RBFOX1: variants seen among roughly 807,000 people sequenced by gnomAD.
RBFOX1 encodes RNA binding fox-1 homolog 1, also known as RNA binding protein fox-1 homolog 1.
RBFOX1 carries 8 observed loss-of-function variants against 57.7 expected under a neutral mutation model. The observed-to-expected ratio is 0.14, with a 90% CI of 0.08 to 0.25. The LOEUF (loss-of-function observed/expected upper bound fraction) is 0.25, where lower values mean the gene tolerates loss of function less well. RBFOX1 is among the 10% of genes least tolerant of loss of function. The probability of loss-of-function intolerance (pLI) is 1.00; values close to 1 mark genes in which losing one functional copy is unlikely to be tolerated. For synonymous variants in RBFOX1, 326 were observed against 222.4 expected, an observed-to-expected ratio of 1.47 and a Z score of -4.15; for missense variants, 611 against 548.5, an observed-to-expected ratio of 1.11 and a Z score of -1.14.
intron 3 of RBFOX1, among the ~76,000 whole-genome samples, chr16:6,990,358 C>A (rs574009037): frequency 1.3e-5 from 2 of 152,048 alleles, no homozygotes; most frequent in South Asian, 2.1e-4. Flanking sequence ...AACCCCATTT[C>A]TACTAAAAAT....
intron 4 of RBFOX1, among the ~76,000 whole-genome samples, chr16:7,229,059 T>G (rs749949867): frequency 6.6e-6 from 1 of 150,618 alleles, no homozygotes; most frequent in Non-Finnish European, 1.5e-5. Flanking sequence ...TTTTTAAAAA[T>G]GGTTAATAGA....
intron 1 of RBFOX1, among the ~76,000 whole-genome samples, chr16:5,411,665 C>T (rs938151619): frequency 2.0e-5 from 3 of 151,594 alleles, no homozygotes; most frequent in African/African-American, 7.3e-5. Flanking sequence ...TTTGGGAGGC[C>T]GAGGTGGGAG....
intron 3 of RBFOX1, among the ~76,000 whole-genome samples, chr16:6,713,749 T>C (rs559535860): frequency 1.3e-5 from 2 of 152,342 alleles, no homozygotes; most frequent in East Asian, 3.9e-4. Flanking sequence ...TCCTTAGTTA[T>C]GGCTGGCAAC....
intron 3 of RBFOX1, among the ~76,000 whole-genome samples, chr16:7,009,281 T>C: frequency 7.5e-6 from 1 of 133,474 alleles, no homozygotes; most frequent in African/African-American, 3.8e-5. Context: ...CTTCTCTCTT[T>C]TCTCTCTCAC....
intron 1 of RBFOX1, among the ~76,000 whole-genome samples, chr16:5,326,332 G>C (rs762177199): frequency 4.6e-5 from 7 of 152,168 alleles, no homozygotes; most frequent in Admixed American, 1.3e-4. Flanking sequence ...AACAGACTCA[G>C]AGGTTTACTC....
intron 1 of RBFOX1, among the ~76,000 whole-genome samples, chr16:5,409,180 G>C (rs761259935): frequency 6.6e-6 from 1 of 152,202 alleles, no homozygotes; most frequent in African/African-American, 2.4e-5. Flanking sequence ...TCACCACAGC[G>C]ATGTGTGGCA....
At chr16:6,631,790 G>C (rs1483799171) in intron 2 of RBFOX1, among the ~76,000 whole-genome samples, 1 of 152,134 alleles carries the variant, frequency 6.6e-6, no homozygotes, top group Non-Finnish European at 1.5e-5. Flanking sequence ...GGGAGGCTCA[G>C]AGCAGCAGCT....
intron 3 of RBFOX1, among the ~76,000 whole-genome samples, chr16:5,739,792 C>T (rs1474067021): frequency 6.6e-6 from 1 of 152,246 alleles, no homozygotes; most frequent in Non-Finnish European, 1.5e-5. Context: ...CACGTTGGGG[C>T]CTCCTCCCCT....
In RBFOX1 at chr16:5,398,226, C is replaced by T. The variant is rs146985323; in HGVS notation, c.220-68990C>T. ...GTGTACATGTGTGGACATGAGTGTA[C>T]ATGTGTGGACATGGACATGTCTTTG... is the stretch of plus-strand genomic sequence containing the variant. On this transcript the variant is annotated intron_variant, in intron 1 of 2. Transcript: ENST00000585867. Among the ~76,000 whole-genome samples the T allele has an allele frequency of 4.1e-4, 62 of 152,150 alleles. No homozygotes were observed. In the East Asian group the frequency reaches 0.01, roughly 25 times the overall value.
chr16:6,061,171 G>A (rs532757867), intron 1 of RBFOX1, among the ~76,000 whole-genome samples: 18 of 152,274 alleles, frequency 1.2e-4, no homozygotes, highest in African/African-American at 3.6e-4. Flanking sequence ...AACCCACCCG[G>A]CAGCAGATAC....
chr16:7,233,632 A>G (rs983326402), intron 4 of RBFOX1, among the ~76,000 whole-genome samples: 2 of 152,232 alleles, frequency 1.3e-5, no homozygotes, highest in South Asian at 2.1e-4. Flanking sequence ...TGGACATCCG[A>G]TTGTTTCCCT....
At chr16:6,023,582 T>C (rs927253454) in intron 1 of RBFOX1, among the ~76,000 whole-genome samples, 1 of 152,058 alleles carries the variant, frequency 6.6e-6, no homozygotes, top group Non-Finnish European at 1.5e-5. Context: ...ACACAGAAAA[T>C]ACTTTGGAGA....
chr16:7,450,537 G>C (rs1303385008), intron 4 of RBFOX1, among the ~76,000 whole-genome samples: 3 of 152,068 alleles, frequency 2.0e-5, no homozygotes, highest in Admixed American at 6.6e-5. Flanking sequence ...TTAGGTTACA[G>C]ATGAAGATAC....
intron 2 of RBFOX1, among the ~76,000 whole-genome samples, chr16:6,587,398 CAGCCTCCTGAGTA>C (rs2097644841): frequency 6.6e-6 from 1 of 152,154 alleles, no homozygotes; most frequent in South Asian, 2.1e-4. Context: ...TCTCCTGCCT[CAGCCTCCTGAGTA>C]GCTGGGATTA....
At chr16:7,572,946 C>G (rs2092945083) in intron 5 of RBFOX1, among the ~76,000 whole-genome samples, 1 of 152,044 alleles carries the variant, frequency 6.6e-6, no homozygotes, top group Admixed American at 6.5e-5. Context: ...AACAGAAAAG[C>G]CACAGTCTCT....
chr16:7,037,116 C>G (rs1006574309), intron 3 of RBFOX1, among the ~76,000 whole-genome samples: 1 of 151,446 alleles, frequency 6.6e-6, no homozygotes, highest in Admixed American at 6.6e-5. Context: ...GCAAACTGTT[C>G]TATCAGCAAG....
At chr16:6,667,703 C>T (rs952740269) in intron 3 of RBFOX1, among the ~76,000 whole-genome samples, 8 of 151,900 alleles carry the variant, frequency 5.3e-5, no homozygotes, top group African/African-American at 9.7e-5. Context: ...CAACATATAC[C>T]CTATTTCTGC....
At chr16:7,592,998 A>G (rs1169123415) in intron 7 of RBFOX1, among the ~76,000 whole-genome samples, 1 of 140,316 alleles carries the variant, frequency 7.1e-6, no homozygotes. Context: ...TTTTTTTGGT[A>G]GAGGTGAGGT....
chr16:6,277,888 C>A (rs2075993860), intron 1 of RBFOX1, among the ~76,000 whole-genome samples: 1 of 151,968 alleles, frequency 6.6e-6, no homozygotes. Context: ...TCTGTAAAGC[C>A]CTTGAAGAAA....
Sources: gnomAD v4.1 joint callset for allele counts (sites outside exome capture counted in the v4.1 genomes callset) on GRCh38, gnomAD v4.1.1 for gene constraint, MANE v1.5 for transcripts, NCBI Gene and HGNC (gene_info 2026-07-23, HGNC 2026-07-21) for gene names.